LRRC9: variants seen among roughly 807,000 people sequenced by gnomAD.
LRRC9 encodes the protein leucine-rich repeat-containing protein 9.
LRRC9 carries 122 observed loss-of-function variants against 63.2 expected under a neutral mutation model. The observed-to-expected ratio is 1.93, with a 90% CI of 1.67 to 2.24. The LOEUF is 2.24. Ranked by LOEUF, LRRC9 falls within the 30% of genes most tolerant of loss-of-function variation. The probability of loss-of-function intolerance (pLI) is 0.00; values close to 1 mark genes in which losing one functional copy is unlikely to be tolerated. For synonymous variants in LRRC9, 366 were observed against 213.1 expected (o/e 1.72, Z -6.25); for missense variants, 1,071 against 627.7 (o/e 1.71, Z -7.55).
rs10431701 is a variant in LRRC9 at position 59,960,432 on chromosome 14, T to G, written c.1079+418T>G. 0.01 allele frequency among the ~76,000 whole-genome samples: 1,550 copies of G among 152,316 alleles called. 83 individuals carry two copies. The East Asian group carries it at 0.18, about 18-fold the overall frequency. On this transcript the variant is annotated intron_variant, in intron 9 of 31. Coordinates refer to ENST00000445360, the Ensembl canonical transcript of LRRC9. The stretch of plus-strand genomic sequence containing the variant: ...GAAGGCTTAGCAAGGACTGTGAATT[T>G]TTTTATTTACTAAGGCACTAAGTGG...
intron 29 of LRRC9, among the ~76,000 whole-genome samples, chr14:60,046,999 T>G (rs1893489031): frequency 6.6e-6 from 1 of 152,186 alleles, no homozygotes; most frequent in Non-Finnish European, 1.5e-5. Flanking sequence ...TATTTCTAGG[T>G]ACTTTATTCT....
chr14:60,047,244 A>AT (rs1219295765), intron 29 of LRRC9, among the ~76,000 whole-genome samples: 3 of 152,056 alleles, frequency 2.0e-5, no homozygotes, highest in African/African-American at 7.2e-5. Flanking sequence ...TCTGAATACT[A>AT]TTTCTTTCTT....
At chr14:59,989,398 C>G (rs986537597) in intron 17 of LRRC9, among the ~76,000 whole-genome samples, 3 of 151,692 alleles carry the variant, frequency 2.0e-5, no homozygotes, top group Admixed American at 2.0e-4. Flanking sequence ...TCTTGTATTT[C>G]TCTTAAAAGT....
rs1891641563 is a variant in LRRC9 at position 60,027,399 on chromosome 14, G to A, written c.3704-485G>A. ...TTTGAAGAATTAAATGAACTTTGAT[G>A]TGTTTAATATGATTGCAGTGCAAAA... On this transcript the variant is annotated intron_variant, in intron 27 of 31. Coordinates refer to ENST00000445360, the Ensembl canonical transcript of LRRC9. This position sits in a 1 kb window ranked among gnomAD's most constrained non-coding sequence, Gnocchi z 4.0. 6.6e-6 allele frequency among the ~76,000 whole-genome samples: 1 copy of A among 151,982 alleles called. No homozygotes were observed.
intron 1 of LRRC9, among the ~76,000 whole-genome samples, chr14:59,921,118 A>G (rs1192909438): frequency 6.6e-6 from 1 of 152,198 alleles, no homozygotes. Context: ...AGTATGGAGT[A>G]TGCCATACAG....
rs528764946 is a variant in LRRC9 at position 59,944,849 on chromosome 14, TAC to T, written c.882+120_882+121del. 3,733 of 437,218 alleles carry T rather than the reference TAC, an allele frequency of 8.5e-3. 1 individual carries two copies. Among genetic ancestry groups the T allele is most frequent in the South Asian group, 9.8e-3 (256 of 26,012 alleles). 27.1% of individuals were successfully genotyped at this position (437,218 alleles called of 1,614,324 possible). ...ATTATGTATATACACACATATATAA[TAC>T]ACACACACACACACTCACACACACA... On this transcript the variant is annotated intron_variant, in intron 8 of 31. Transcript: ENST00000445360.
At chr14:59,995,885 G>C (rs1412183547) in intron 17 of LRRC9, among the ~76,000 whole-genome samples, 1 of 152,154 alleles carries the variant, frequency 6.6e-6, no homozygotes, top group Non-Finnish European at 1.5e-5. Flanking sequence ...TGGGACTACA[G>C]GTATGCGCCA....
intron 8 of LRRC9, among the ~76,000 whole-genome samples, chr14:59,952,346 C>A (rs1883247867): frequency 1.3e-5 from 2 of 152,240 alleles, no homozygotes; most frequent in Non-Finnish European, 2.9e-5. Flanking sequence ...CAATGCCTCG[C>A]CTTGCTTCGG....
chr14:59,975,135 A>G (rs1594915451), intron 13 of LRRC9, among the ~76,000 whole-genome samples: 2 of 11,524 alleles, frequency 1.7e-4, no homozygotes, highest in Admixed American at 1.7e-3. Context: ...ATGTATATAT[A>G]TATACATATA....
In LRRC9 at chr14:60,036,465, C is replaced by T. The variant is rs181765109; in HGVS notation, c.3990+4402C>T. 1.5e-3 allele frequency among the ~76,000 whole-genome samples: 224 copies of T among 152,302 alleles called. 1 individual carries two copies. Among genetic ancestry groups the T allele is most frequent in the Admixed American group, 1.8e-3 (27 of 15,298 alleles). On this transcript the variant is annotated intron_variant, in intron 29 of 31. Transcript: ENST00000445360. The stretch of plus-strand genomic sequence containing the variant: ...CTTCCAGACCAGAGAAGCCAAAGGG[C>T]ATGATGATTCCTTCACATTGATGAC...
In LRRC9 at chr14:59,942,859, GGTTA is replaced by G. The variant is rs1881936159; in HGVS notation, c.727-1723_727-1720del. 1.3e-5 allele frequency among the ~76,000 whole-genome samples: 2 copies of G among 151,930 alleles called. No individual in the cohort carries two copies. Among genetic ancestry groups the G allele is most frequent in the Admixed American group, 6.6e-5 (1 of 15,262 alleles). On this transcript the variant is annotated intron_variant, in intron 7 of 31. Transcript: ENST00000445360. The surrounding 1 kb of genome is among the most constrained non-coding windows in gnomAD (Gnocchi z 5.3). ...TGATTTTTATTTGCATTTCCATGAT[GGTTA>G]GTTAGTGATGTTGAGCATTTTTTCA... is the stretch of plus-strand genomic sequence containing the variant.
chr14:59,939,002 T>C (rs1035311359), intron 7 of LRRC9, among the ~76,000 whole-genome samples: 45 of 117,054 alleles, frequency 3.8e-4, no homozygotes, highest in African/African-American at 1.4e-3. Flanking sequence ...TATATACATA[T>C]ACATATATAC....
exon 9 of LRRC9, chr14:59,959,839 C>T: frequency 1.6e-6 from 1 of 643,734 alleles, no homozygotes; most frequent in African/African-American, 1.8e-5. Flanking sequence ...ACTGGCTGAA[C>T]TCAAGGGCTC....
At chr14:60,025,073 T>A (rs533099431) in intron 27 of LRRC9, among the ~76,000 whole-genome samples, 58 of 151,558 alleles carry the variant, frequency 3.8e-4, no homozygotes, top group Middle Eastern at 3.4e-3. Flanking sequence ...TTTTTGGTTT[T>A]TTTTTTATTT....
intron 12 of LRRC9, among the ~76,000 whole-genome samples, chr14:59,971,264 C>T (rs1885463461): frequency 6.6e-6 from 1 of 151,978 alleles, no homozygotes; most frequent in African/African-American, 2.4e-5. Context: ...TTTCCAGGCT[C>T]TCTATTCTCT....
At chr14:60,023,130 TA>T (rs900012389) in intron 27 of LRRC9, among the ~76,000 whole-genome samples, 15 of 151,500 alleles carry the variant, frequency 9.9e-5, no homozygotes, top group African/African-American at 1.7e-4. Context: ...TAAAAAACAA[TA>T]AAAAAAACAG....
intron 3 of LRRC9, among the ~76,000 whole-genome samples, chr14:59,929,184 CT>C (rs1323227865): frequency 6.6e-6 from 1 of 151,972 alleles, no homozygotes; most frequent in Non-Finnish European, 1.5e-5. Context: ...TGACAAAGGT[CT>C]AATACCCAGC....
At chr14:59,955,342 G>T (rs1056862174) in intron 8 of LRRC9, among the ~76,000 whole-genome samples, 1 of 152,080 alleles carries the variant, frequency 6.6e-6, no homozygotes, top group African/African-American at 2.4e-5. Context: ...GTCTTTTCAT[G>T]GATTCAACTT....
chr14:59,991,744 T>G (rs1318209351), intron 17 of LRRC9, among the ~76,000 whole-genome samples: 4 of 151,700 alleles, frequency 2.6e-5, no homozygotes, highest in Non-Finnish European at 2.9e-5. Flanking sequence ...GAGATCAAAC[T>G]GCAAGGCAGC....
Sources: allele counts gnomAD v4.1 joint callset (sites outside exome capture counted in the v4.1 genomes callset), GRCh38; gene constraint gnomAD v4.1.1; non-coding constraint Gnocchi (gnomAD v3.1); transcripts MANE v1.5; gene names NCBI Gene and HGNC (gene_info 2026-07-23, HGNC 2026-07-21).